PFKFB3: variants seen among roughly 807,000 people sequenced by gnomAD.
PFKFB3 encodes the protein 6-phosphofructo-2-kinase/fructose-2,6-biphosphatase 3.
Under a neutral mutation model 68.0 loss-of-function variants are expected in PFKFB3, and 33 were observed. The observed-to-expected ratio is 0.49, with a 90% confidence interval of 0.37 to 0.65. The LOEUF is 0.65. PFKFB3 is among the 30% of genes least tolerant of loss of function. PFKFB3 has a pLI of 0.00. For missense variants in PFKFB3, 586 were observed against 712.2 expected, an observed-to-expected ratio of 0.82 and a Z score of 2.02; for synonymous variants, 315 against 288.2, an observed-to-expected ratio of 1.09 and a Z score of -0.94.
chr10:6,227,862 G>A (rs932482250), intron 14 of PFKFB3, among the ~76,000 whole-genome samples: 5 of 152,168 alleles, frequency 3.3e-5, no homozygotes, highest in African/African-American at 1.2e-4. Flanking sequence ...AACTGAAATG[G>A]TGTCCCTGTG....
At chr10:6,213,493 G>C in intron 1 of PFKFB3, 130 bp from the exon 2 acceptor site, 1 of 1,064,266 alleles carries the variant, frequency 9.4e-7, no homozygotes, top group Non-Finnish European at 1.4e-6. Context: ...CTCCCGCCTG[G>C]GCAACAGAGT....
intron 1 of PFKFB3, among the ~76,000 whole-genome samples, chr10:6,179,560 A>G (rs952562568): frequency 5.9e-5 from 9 of 152,074 alleles, no homozygotes; most frequent in African/African-American, 2.2e-4. Flanking sequence ...TTTCTCTCCT[A>G]TGGTGGGATG....
intron 1 of PFKFB3, among the ~76,000 whole-genome samples, chr10:6,174,014 A>G (rs1207730601): frequency 1.3e-5 from 2 of 152,138 alleles, no homozygotes; most frequent in African/African-American, 2.4e-5. Context: ...AAGAACATAG[A>G]TGATGTGTGC....
the PFKFB3 span, among the ~76,000 whole-genome samples, chr10:6,281,206 C>T: frequency 6.7e-5 from 6 of 90,176 alleles, no homozygotes; most frequent in African/African-American, 1.6e-4. Context: ...TTTATCCACT[C>T]ATTGACTGAT....
chr10:6,160,988 T>G (rs1841951323), intron 1 of PFKFB3, among the ~76,000 whole-genome samples: 1 of 151,922 alleles, frequency 6.6e-6, no homozygotes, highest in South Asian at 2.1e-4. Flanking sequence ...CAGGCTGGAG[T>G]GGAATGGTGT....
At chr10:6,219,788 T>C in intron 7 of PFKFB3, 95 bp downstream of exon 7, 2 of 1,392,724 alleles carry the variant, frequency 1.4e-6, no homozygotes, top group East Asian at 4.6e-5. Flanking sequence ...TGGATACCTT[T>C]AAAAAAATTT....
intron 1 of PFKFB3, among the ~76,000 whole-genome samples, chr10:6,159,396 A>AT (rs1488426384): frequency 6.7e-6 from 1 of 150,044 alleles, no homozygotes; most frequent in Non-Finnish European, 1.5e-5. Context: ...CTCTGTCTTA[A>AT]TTAAAAAAAA....
intron 14 of PFKFB3, among the ~76,000 whole-genome samples, chr10:6,240,764 G>C (rs144824818): frequency 6.6e-6 from 1 of 152,096 alleles, no homozygotes; most frequent in South Asian, 2.1e-4. Context: ...CACTAATGCC[G>C]TTTTTCTGTT....
intron 1 of PFKFB3, among the ~76,000 whole-genome samples, chr10:6,171,320 G>T (rs919472093): frequency 3.9e-5 from 6 of 152,000 alleles, no homozygotes; most frequent in African/African-American, 1.4e-4. Context: ...CTCCCAAAGT[G>T]CTGGGATTAC....
downstream of PFKFB3, among the ~76,000 whole-genome samples, chr10:6,237,194 G>T (rs1455918472): frequency 3.3e-5 from 5 of 152,344 alleles, no homozygotes; most frequent in Middle Eastern, 3.4e-3. Flanking sequence ...AAGGCCTCCC[G>T]TCTCCCGAGT....
chr10:6,223,332 C>A (rs1338969514), intron 11 of PFKFB3, among the ~76,000 whole-genome samples: 3 of 152,234 alleles, frequency 2.0e-5, no homozygotes, highest in African/African-American at 7.2e-5. Flanking sequence ...GCCCGGAAAA[C>A]TCTGACAATC....
rs753089782 is a variant in PFKFB3, at chr10:6,222,991, C to T, written c.1213+7C>T. 2.2e-5 allele frequency: 35 copies of T among 1,611,098 alleles called. No homozygotes were observed. The highest frequency in any genetic ancestry group is 1.7e-4 in the Middle Eastern group (1 of 5,998). ...TTCCTGGATAAGAGTGCAGGTACCT[C>T]GGGCAGGTCGTGGCCCCGGGATGGA... On this transcript the variant is annotated splice_region_variant and intron_variant, in intron 11 of 14. Coordinates refer to ENST00000379775, the MANE Select transcript of PFKFB3 (RefSeq NM_004566.4).
At position 6,229,188 on chromosome 10, in the gene PFKFB3, A is replaced by G. The variant is rs576266837; in HGVS notation, c.1515+2823A>G. On this transcript the variant is annotated intron_variant, in intron 14 of 14. Coordinates refer to ENST00000379775, the MANE Select transcript of PFKFB3 (RefSeq NM_004566.4). The surrounding 1 kb of genome is among the most constrained non-coding windows in gnomAD (Gnocchi z 4.3). ...GCTTTGGAAATGGGAGAGGTTTGGCATGGCGCTCAGATTTTGGTGGCAAAG... is the reference window on the plus strand; with the variant it reads ...GCTTTGGAAATGGGAGAGGTTTGGCGTGGCGCTCAGATTTTGGTGGCAAAG... 2 of 479,960 alleles carry G rather than the reference A, an allele frequency of 4.2e-6. No homozygotes were observed. The highest frequency in any genetic ancestry group is 3.0e-5 in the South Asian group (2 of 66,794). The allele number at this position is 479,960 out of a possible 1,614,324, so 29.7% of individuals were successfully genotyped here.
chr10:6,250,740 G>A (rs1426874235), intron 14 of PFKFB3, among the ~76,000 whole-genome samples: 11 of 152,128 alleles, frequency 7.2e-5, no homozygotes, highest in South Asian at 6.2e-4. Flanking sequence ...GGCCCTCACC[G>A]GATGCTGGCA....
chr10:6,325,454 A>T, the PFKFB3 span, among the ~76,000 whole-genome samples: 1 of 152,202 alleles, frequency 6.6e-6, no homozygotes, highest in Non-Finnish European at 1.5e-5. Context: ...GCATATTGTT[A>T]TGTTGTTGAG....
chr10:6,178,670 C>T (rs571909898), intron 1 of PFKFB3, among the ~76,000 whole-genome samples: 12 of 152,272 alleles, frequency 7.9e-5, no homozygotes, highest in South Asian at 2.1e-4. Context: ...TTATTTTCCC[C>T]GGGGCCAGGG....
At chr10:6,309,020 A>G in the PFKFB3 span, among the ~76,000 whole-genome samples, 1 of 152,202 alleles carries the variant, frequency 6.6e-6, no homozygotes, top group Admixed American at 6.5e-5. Context: ...ACTGATTTCA[A>G]CAAAACACTG....
At chr10:6,240,594 C>G (rs897792689) in intron 14 of PFKFB3, among the ~76,000 whole-genome samples, 1 of 152,004 alleles carries the variant, frequency 6.6e-6, no homozygotes, top group African/African-American at 2.4e-5. Context: ...AGAAGAGTTG[C>G]AAAGACAGTA....
chr10:6,221,886 C>G, intron 10 of PFKFB3, 141 bp downstream of exon 10: 1 of 615,400 alleles, frequency 1.6e-6, no homozygotes, highest in Non-Finnish European at 2.9e-6. Context: ...TGAGTCCCCC[C>G]AAACTGAACC....
Sources: gnomAD v4.1 joint callset for allele counts (sites outside exome capture counted in the v4.1 genomes callset) on GRCh38, gnomAD v4.1.1 for gene constraint, Gnocchi (gnomAD v3.1) non-coding constraint, MANE v1.5 for transcripts, NCBI Gene and HGNC (gene_info 2026-07-23, HGNC 2026-07-21) for gene names.